The following CNOT2 variants were observed in gnomAD, a reference collection of about 807,000 sequenced individuals.
The protein encoded by CNOT2 is CC chemokine receptor 4-negative regulator of transcription 2.
A neutral mutation model predicts 72.1 loss-of-function variants in CNOT2; 7 were observed. The ratio of observed to expected loss-of-function variants is 0.10; its 90% CI spans 0.06 to 0.18. The LOEUF (loss-of-function observed/expected upper bound fraction) is 0.18, where lower values mean the gene tolerates loss of function less well. CNOT2 is among the 10% of genes least tolerant of loss of function. The pLI, the probability that CNOT2 is intolerant of heterozygous loss-of-function variation, is 1.00. For synonymous variants in CNOT2, 196 were observed against 225.6 expected (o/e 0.87, Z 1.17); for missense variants, 345 against 660.3 (o/e 0.52, Z 5.23).
intron 1 of CNOT2, among the ~76,000 whole-genome samples, chr12:70,254,495 G>A (rs1958322717): frequency 1.3e-5 from 2 of 152,136 alleles, no homozygotes; most frequent in South Asian, 2.1e-4. Context: ...ATTTATTTCT[G>A]GAATTTTCCA....
chr12:70,299,258 A>G (rs904447373), intron 2 of CNOT2, among the ~76,000 whole-genome samples: 20 of 152,040 alleles, frequency 1.3e-4, no homozygotes, highest in Admixed American at 6.5e-5. Flanking sequence ...GTTTTAAGGT[A>G]CATGTGCACA....
intron 4 of CNOT2, chr12:70,322,312 T>G (rs983292281): frequency 2.6e-5 from 4 of 151,836 alleles, no homozygotes; most frequent in African/African-American, 9.7e-5. Context: ...ACTGTACACC[T>G]TATAAGCTTC....
At chr12:70,257,628 A>G (rs139287942) in intron 1 of CNOT2, among the ~76,000 whole-genome samples, 9,318 of 151,644 alleles carry the variant, frequency 0.061, 439 homozygotes, top group East Asian at 0.16. Flanking sequence ...CGGCCTCCCA[A>G]AGTGCTGGGA....
Position 70,276,084 on chromosome 12 carries a change from A to T in CNOT2, c.-95-2048A>T, listed in dbSNP as rs564464503. On this transcript the variant is annotated intron_variant, in intron 1 of 15. Transcript: ENST00000229195. ...AAATATTTCCAGTTATCCCCAGAAGAGGAAACAAAGCAAATAATAAATAGA... is the reference window on the plus strand; with the variant it reads ...AAATATTTCCAGTTATCCCCAGAAGTGGAAACAAAGCAAATAATAAATAGA... Among the ~76,000 whole-genome samples the T allele has an allele frequency of 1.6e-4, 25 of 152,168 alleles. No homozygotes were observed. The South Asian group carries it at 3.1e-3, about 19-fold the overall frequency.
chr12:70,285,285 C>T (rs923013284), intron 2 of CNOT2: 47 of 151,968 alleles, frequency 3.1e-4, no homozygotes, highest in African/African-American at 1.1e-3. Context: ...TCTCGGCTCA[C>T]CGCAAGCTCT....
At chr12:70,338,616 T>C (rs1164964781) in intron 10 of CNOT2, 50 bp from the exon 11 acceptor site, 1 of 1,596,172 alleles carries the variant, frequency 6.3e-7, no homozygotes, top group Admixed American at 1.8e-5. Context: ...TTTTTTTCTA[T>C]TTTTTAACTT....
chr12:70,259,474 A>G (rs1958637424), intron 1 of CNOT2, among the ~76,000 whole-genome samples: 1 of 152,184 alleles, frequency 6.6e-6, no homozygotes, highest in African/African-American at 2.4e-5. Context: ...TCATTCAGAT[A>G]CAGAATATTC....
At chr12:70,266,512 T>C (rs11837952) in intron 1 of CNOT2, among the ~76,000 whole-genome samples, 21,815 of 152,196 alleles carry the variant, frequency 0.14, 1,753 homozygotes, top group African/African-American at 0.21. Context: ...TTTTGTTTAC[T>C]TGCTTTATAA....
intron 4 of CNOT2, among the ~76,000 whole-genome samples, chr12:70,328,998 G>A (rs183598412): frequency 4.0e-5 from 6 of 151,838 alleles, no homozygotes; most frequent in South Asian, 4.1e-4. Context: ...TCAGCAAAGC[G>A]GGGTTAAATG....
chr12:70,267,087 A>C (rs1195101189), intron 1 of CNOT2, among the ~76,000 whole-genome samples: 1 of 151,340 alleles, frequency 6.6e-6, no homozygotes, highest in Non-Finnish European at 1.5e-5. Flanking sequence ...TTTTTTTTAG[A>C]GATTACTTTA....
intron 11 of CNOT2, among the ~76,000 whole-genome samples, chr12:70,340,500 T>A (rs1336853394): frequency 6.6e-6 from 1 of 152,222 alleles, no homozygotes; most frequent in African/African-American, 2.4e-5. Context: ...TACATTCAAT[T>A]GCCAATTAAA....
Position 70,351,127 on chromosome 12 carries a change from C to G in CNOT2, c.1537-2702C>G, listed in dbSNP as rs182443621. ...TAATCTAGAAATCCTTTTTTTTCCA[C>G]TAAAAGCAAATATATACATAGACCC... On this transcript the variant is annotated intron_variant, in intron 15 of 15. Transcript: ENST00000229195. Among the ~76,000 whole-genome samples the G allele has an allele frequency of 8.4e-4, 127 of 152,026 alleles. 1 individual carries two copies. The highest frequency in any genetic ancestry group is 2.9e-3 in the African/African-American group (120 of 41,508).
At position 70,283,898 on chromosome 12, in the gene CNOT2, G is replaced by A. The variant is rs975968426; in HGVS notation, c.48+5624G>A. 4.0e-5 allele frequency among the ~76,000 whole-genome samples: 6 copies of A among 150,370 alleles called. No homozygotes were observed. The East Asian group carries it at 7.8e-4, about 20-fold the overall frequency. ...TGTTCATGTCATGATCACATGATCAGCAACGGAAGTCACTTTGACTTCATG... is the reference window on the plus strand; with the variant it reads ...TGTTCATGTCATGATCACATGATCAACAACGGAAGTCACTTTGACTTCATG... On this transcript the variant is annotated intron_variant, in intron 2 of 15. Coordinates refer to ENST00000229195, the MANE Select transcript of CNOT2 (RefSeq NM_014515.7).
chr12:70,339,523 A>G (rs1382855677), intron 11 of CNOT2, among the ~76,000 whole-genome samples: 2 of 152,118 alleles, frequency 1.3e-5, no homozygotes, highest in African/African-American at 4.8e-5. Flanking sequence ...CCAAAGCTAC[A>G]GTACTGATTG....
chr12:70,339,799 A>G (rs1159331601), intron 11 of CNOT2, among the ~76,000 whole-genome samples: 3 of 152,130 alleles, frequency 2.0e-5, no homozygotes, highest in African/African-American at 7.2e-5. Flanking sequence ...CTTTTACTGT[A>G]CTAAGAAAGA....
rs1187536425 is a variant in CNOT2, at chr12:70,338,570, C to G, written c.1021+7C>G. 1 of 1,603,892 alleles carries G rather than the reference C, an allele frequency of 6.2e-7. No homozygotes were observed. The highest frequency in any genetic ancestry group is 8.5e-7 in the Non-Finnish European group (1 of 1,177,192). Reference sequence around the variant, plus strand: ...ATCCAGGTGTTACCTGATGGTGGGACTCTAGAAATCTATGTCAAAGATATT... The same window carrying G: ...ATCCAGGTGTTACCTGATGGTGGGAGTCTAGAAATCTATGTCAAAGATATT... On this transcript the variant is annotated splice_region_variant and intron_variant, in intron 10 of 15. Transcript: ENST00000229195.
Position 70,338,763 on chromosome 12 carries a change from G to T in CNOT2, c.1119G>T (p.Met373Ile). ...GGGCAGCAGAGACAGACCCAGGAAT[G>T]GTACATCTTGCATTAGGAAGTGACT... Reference protein sequence around the residue: ...FIRAAETDPGMVHLALGSDLT... With the variant: ...FIRAAETDPGIVHLALGSDLT... The change falls in exon 11 of 16, where the codon ATG becomes ATT. Residue 373 changes from methionine to isoleucine, a missense_variant. By Grantham distance (10) the Met-to-Ile change is conservative (BLOSUM62 1). This residue lies in a region of CNOT2 where 128 missense variants were observed against 233.0 expected (regional missense o/e 0.55). Transcript: ENST00000229195. 2 of 1,613,452 alleles carry T rather than the reference G, an allele frequency of 1.2e-6. No homozygotes were observed. Among genetic ancestry groups the T allele is most frequent in the Non-Finnish European group, 1.7e-6 (2 of 1,179,572 alleles).
chr12:70,349,818 A>G (rs534097461), intron 15 of CNOT2, among the ~76,000 whole-genome samples: 45 of 150,812 alleles, frequency 3.0e-4, no homozygotes, highest in African/African-American at 1.0e-3. Context: ...TGGGCAACAT[A>G]GCAAGACTCT....
At chr12:70,312,286 G>A (rs985432781) in intron 3 of CNOT2, among the ~76,000 whole-genome samples, 1 of 151,830 alleles carries the variant, frequency 6.6e-6, no homozygotes, top group East Asian at 1.9e-4. Flanking sequence ...TATATTTTTG[G>A]TAGTATCGCC....
Sources: gnomAD v4.1 joint callset for allele counts (sites outside exome capture counted in the v4.1 genomes callset) on GRCh38, gnomAD v4.1.1 for gene constraint, gnomAD v4.1.1 regional missense constraint, MANE v1.5 for transcripts, NCBI Gene and HGNC (gene_info 2026-07-23, HGNC 2026-07-21) for gene names.